Variants in CREB3L2 observed in about 807,000 individuals in gnomAD.
The protein encoded by CREB3L2 is cyclic AMP-responsive element-binding protein 3-like protein 2.
A neutral mutation model predicts 57.2 loss-of-function variants in CREB3L2; 23 were observed. The observed-to-expected ratio is 0.40, with a 90% CI of 0.29 to 0.57. CREB3L2 has a LOEUF of 0.57. Among genes scored for constraint, CREB3L2 ranks in the 20% least tolerant of loss-of-function variants. The probability of loss-of-function intolerance (pLI) is 0.42; values close to 1 mark genes in which losing one functional copy is unlikely to be tolerated. For synonymous variants in CREB3L2, 268 were observed against 265.1 expected, an observed-to-expected ratio of 1.01 and a Z score of -0.11; for missense variants, 628 against 634.7, an observed-to-expected ratio of 0.99 and a Z score of 0.11.
intron 1 of CREB3L2, among the ~76,000 whole-genome samples, chr7:137,963,545 T>C (rs1801359629): frequency 6.6e-6 from 1 of 152,256 alleles, no homozygotes; most frequent in Non-Finnish European, 1.5e-5. Flanking sequence ...AAAATGTCTC[T>C]AGTCACTCTC....
chr7:137,954,165 G>GTCTAACTAAAT lies in CREB3L2; in HGVS notation c.103-25800_103-25799insATTTAGTTAGA, dbSNP rs1801161231. Among the ~76,000 whole-genome samples the GTCTAACTAAAT allele has an allele frequency of 5.9e-5, 9 of 152,242 alleles. No individual in the cohort carries two copies. The South Asian group carries it at 1.9e-3, about 32-fold the overall frequency. Reference sequence around the variant, plus strand: ...TTGTACCTGTCCTGTCTACGCATGAGGGATAACTAAAATGACAACTGAAAT... The same window carrying GTCTAACTAAAT: ...TTGTACCTGTCCTGTCTACGCATGAGTCTAACTAAATGGATAACTAAAATGACAACTGAAAT... On this transcript the variant is annotated intron_variant, in intron 1 of 11. Coordinates refer to ENST00000330387, the MANE Select transcript of CREB3L2 (RefSeq NM_194071.4).
At chr7:137,972,967 C>G (rs951419645) in intron 1 of CREB3L2, among the ~76,000 whole-genome samples, 2 of 150,754 alleles carry the variant, frequency 1.3e-5, no homozygotes, top group African/African-American at 4.9e-5. Flanking sequence ...GGGGGAATGT[C>G]CCCAAATCCC....
At chr7:137,957,670 A>C (rs767603500) in intron 1 of CREB3L2, 2 of 745,912 alleles carry the variant, frequency 2.7e-6, no homozygotes, top group South Asian at 3.1e-5. Flanking sequence ...AAAGTGAAGA[A>C]TATATTAATA....
chr7:137,979,365 CG>C (rs1321387962), intron 1 of CREB3L2, among the ~76,000 whole-genome samples: 1 of 152,128 alleles, frequency 6.6e-6, no homozygotes, highest in Admixed American at 6.5e-5. Context: ...ACAGCAAGGG[CG>C]GGTCATCAGG....
intron 10 of CREB3L2, 130 bp from the exon 11 acceptor site, chr7:137,882,758 G>A (rs1799324910): frequency 5.1e-6 from 3 of 584,756 alleles, no homozygotes; most frequent in Non-Finnish European, 5.7e-6. Flanking sequence ...AACCATGGGT[G>A]CCAACAGAAT....
chr7:137,916,147 T>C (rs1800127759), intron 2 of CREB3L2, 135 bp from the exon 3 acceptor site: 1 of 614,590 alleles, frequency 1.6e-6, no homozygotes, highest in African/African-American at 1.9e-5. Context: ...GAAAATGAAA[T>C]ATGTGAGGGA....
chr7:137,883,202 A>C (rs894758463), intron 10 of CREB3L2, among the ~76,000 whole-genome samples: 1 of 152,232 alleles, frequency 6.6e-6, no homozygotes, highest in Non-Finnish European at 1.5e-5. Flanking sequence ...ATTTAGAGAG[A>C]TAGTTCCTTG....
At chr7:137,999,679 A>G (rs189396638) in intron 1 of CREB3L2, 1 of 152,312 alleles carries the variant, frequency 6.6e-6, no homozygotes, top group African/African-American at 2.4e-5. Context: ...TGAGAGAAAT[A>G]TAACCCAATC....
intron 1 of CREB3L2, among the ~76,000 whole-genome samples, chr7:137,966,453 T>C (rs1209331173): frequency 6.6e-6 from 1 of 152,140 alleles, no homozygotes; most frequent in Non-Finnish European, 1.5e-5. Context: ...CTATCCTTGA[T>C]ATGGAATTGG....
At position 137,913,150 on chromosome 7, in the gene CREB3L2, T is replaced by C. The variant is rs577701105; in HGVS notation, c.496-72A>G. ...TTGAAGACACATGCAGGAGAGCTATTTGTCACCTGTGTCTTCCTCTCGGGA... is the reference window on the plus strand; with the variant it reads ...TTGAAGACACATGCAGGAGAGCTATCTGTCACCTGTGTCTTCCTCTCGGGA... On this transcript the variant is annotated intron_variant, in intron 3 of 11. Transcript: ENST00000330387. 2.7e-4 allele frequency: 394 copies of C among 1,464,932 alleles called. 3 individuals are homozygous for C. In the Middle Eastern group the frequency reaches 0.013, roughly 49 times the overall value. The allele number at this position is 1,464,932 out of a possible 1,614,324, so 90.7% of individuals were successfully genotyped here.
intron 8 of CREB3L2, among the ~76,000 whole-genome samples, chr7:137,893,978 A>T (rs1025907045): frequency 2.0e-5 from 3 of 152,208 alleles, no homozygotes; most frequent in Admixed American, 2.0e-4. Flanking sequence ...AAAATGTGGT[A>T]GTATAAGCAG....
chr7:137,947,135 G>C (rs1801012596), intron 1 of CREB3L2, among the ~76,000 whole-genome samples: 2 of 149,516 alleles, frequency 1.3e-5, no homozygotes, highest in Non-Finnish European at 3.0e-5. Context: ...TACCCACTAA[G>C]GACACAGCAA....
chr7:137,910,538 T>C (rs1799983868), intron 4 of CREB3L2, among the ~76,000 whole-genome samples: 1 of 152,038 alleles, frequency 6.6e-6, no homozygotes, highest in Non-Finnish European at 1.5e-5. Context: ...ATGCCATGAA[T>C]ATTATGGCAC....
At chr7:137,952,072 G>A (rs148810614) in intron 1 of CREB3L2, among the ~76,000 whole-genome samples, 2 of 152,210 alleles carry the variant, frequency 1.3e-5, no homozygotes, top group East Asian at 3.9e-4. Flanking sequence ...TCTAACTTTG[G>A]TAATATGTTA....
intron 8 of CREB3L2, among the ~76,000 whole-genome samples, chr7:137,897,472 C>T (rs758063219): frequency 1.2e-4 from 18 of 152,104 alleles, no homozygotes; most frequent in African/African-American, 1.4e-4. Flanking sequence ...TAGGTTCAAG[C>T]GATTCTCCTG....
intron 1 of CREB3L2, among the ~76,000 whole-genome samples, chr7:137,951,472 A>G (rs1009168869): frequency 6.6e-6 from 1 of 152,126 alleles, no homozygotes; most frequent in Admixed American, 6.5e-5. Context: ...CTAATCCTCT[A>G]TTTCCCTTAG....
At chr7:137,898,005 C>T (rs946329994) in intron 8 of CREB3L2, among the ~76,000 whole-genome samples, 4 of 152,042 alleles carry the variant, frequency 2.6e-5, no homozygotes, top group African/African-American at 9.7e-5. Context: ...TGTTTGCAAA[C>T]CATATAAACC....
rs374213091 is a variant in CREB3L2, at chr7:137,906,720, G to C, written c.769-872C>G. Reference sequence around the variant, plus strand: ...CCAGTGGGAGATGACTGAATTATGGGGTGAGTCTTTCCCATGCTGCTTTTG... The same window carrying C: ...CCAGTGGGAGATGACTGAATTATGGCGTGAGTCTTTCCCATGCTGCTTTTG... On this transcript the variant is annotated intron_variant, in intron 5 of 11. Coordinates refer to ENST00000330387, the MANE Select transcript of CREB3L2 (RefSeq NM_194071.4). Among the ~76,000 whole-genome samples the C allele has an allele frequency of 5.8e-4, 89 of 152,296 alleles. 1 individual carries two copies. In the South Asian group the frequency reaches 0.014, roughly 25 times the overall value.
intron 1 of CREB3L2, among the ~76,000 whole-genome samples, chr7:137,942,394 G>A (rs567335602): frequency 3.7e-4 from 57 of 152,254 alleles, no homozygotes; most frequent in South Asian, 1.0e-3. Flanking sequence ...CCACAGTCCT[G>A]TCATCCCTTT....
Sources: gnomAD v4.1 joint callset for allele counts (sites outside exome capture counted in the v4.1 genomes callset) on GRCh38, gnomAD v4.1.1 for gene constraint, MANE v1.5 for transcripts, NCBI Gene and HGNC (gene_info 2026-07-23, HGNC 2026-07-21) for gene names.